MTTP: variants seen among roughly 807,000 people sequenced by gnomAD.
The protein encoded by MTTP is microsomal triglyceride transfer protein, also known as microsomal triglyceride transfer protein large subunit.
A neutral mutation model predicts 90.6 loss-of-function variants in MTTP; 49 were observed. The ratio of observed to expected loss-of-function variants is 0.54; its 90% CI spans 0.43 to 0.69. MTTP has a LOEUF of 0.69. Among genes scored for constraint, MTTP ranks in the 30% least tolerant of loss-of-function variants. The pLI is 0.00. For missense variants in MTTP, 945 were observed against 1,067.5 expected (o/e 0.89, Z 1.60); for synonymous variants, 347 against 384.2 (o/e 0.90, Z 1.13).
chr4:99,621,676 A>G (rs910675899), intron 17 of MTTP, among the ~76,000 whole-genome samples: 2 of 152,248 alleles, frequency 1.3e-5, no homozygotes, highest in East Asian at 1.9e-4. Context: ...AGTATTCCAT[A>G]TAGCAGCAAC....
At chr4:99,620,909 C>T in intron 16 of MTTP, 152 bp from the exon 17 acceptor site, 1 of 728,044 alleles carries the variant, frequency 1.4e-6, no homozygotes. Context: ...ACCAGCAGAA[C>T]TCTAAGCACA....
intron 3 of MTTP, among the ~76,000 whole-genome samples, chr4:99,585,777 G>C (rs902512737): frequency 6.6e-6 from 1 of 152,004 alleles, no homozygotes; most frequent in African/African-American, 2.4e-5. Context: ...AATTCTAGAG[G>C]AGCTATGATT....
chr4:99,564,410 AAAATT>A (rs1724607062), intron 1 of MTTP: 2 of 621,908 alleles, frequency 3.2e-6, no homozygotes, highest in Admixed American at 3.5e-5. Flanking sequence ...ACTCAAGTGG[AAAATT>A]AAATTCAAAA....
chr4:99,610,343 G>A (rs1432489240), intron 12 of MTTP, among the ~76,000 whole-genome samples: 1 of 152,164 alleles, frequency 6.6e-6, no homozygotes, highest in Admixed American at 6.5e-5. Context: ...TCTGAGGATA[G>A]CTGTCATAAC....
Position 99,582,023 on chromosome 4 carries a change from C to T in MTTP, c.180C>T (p.Ser60=), listed in dbSNP as rs1163995950. 1 of 1,614,216 alleles carries T rather than the reference C, an allele frequency of 6.2e-7. No individual in the cohort carries two copies. Among genetic ancestry groups the T allele is most frequent in the Admixed American group, 1.7e-5 (1 of 60,022 alleles). ...AAGACAGCGTGGGCTACCGCATTTC[C>T]TCCAACGTGGATGTGGCCTTACTAT... ...KLQDSVGYRI[S]SNVDVALLWR... The change falls in exon 2 of 18, where the codon TCC becomes TCT. Residue 60 remains serine, a synonymous_variant. Coordinates refer to ENST00000265517, the MANE Select transcript of MTTP (RefSeq NM_001386140.1).
chr4:99,600,635 G>T lies in MTTP; in HGVS notation c.1138G>T (p.Asp380Tyr). The change falls in exon 9 of 18, where the codon GAT (aspartate) becomes TAT (tyrosine). Residue 380 changes from aspartate (D) to tyrosine (Y), a missense_variant. Asp to Tyr is a radical substitution (Grantham distance 160). Coordinates refer to ENST00000265517, the MANE Select transcript of MTTP (RefSeq NM_001386140.1). ...ATTAGAAGCCATTTTGGACTTTTTGGATTTCAAAAGTGACAGCAGCATTAT... is the reference window on the plus strand; with the variant it reads ...ATTAGAAGCCATTTTGGACTTTTTGTATTTCAAAAGTGACAGCAGCATTAT... ...DSLEAILDFL[D>Y]FKSDSSIILQ... is the part of the protein sequence containing the mutation. The T allele has an allele frequency of 6.2e-7, 1 of 1,613,704 alleles. No individual in the cohort carries two copies.
At chr4:99,569,108 A>G (rs897666672) in intron 1 of MTTP, among the ~76,000 whole-genome samples, 10 of 152,186 alleles carry the variant, frequency 6.6e-5, no homozygotes, top group African/African-American at 2.4e-4. Flanking sequence ...CCAGGTGATC[A>G]AAGTCAATGT....
At chr4:99,599,902 G>C (rs1419597671) in intron 8 of MTTP, among the ~76,000 whole-genome samples, 5 of 152,068 alleles carry the variant, frequency 3.3e-5, no homozygotes, top group African/African-American at 1.2e-4. Context: ...GTGTTAATTA[G>C]TATGACAACT....
chr4:99,619,604 A>C (rs1461949833), intron 16 of MTTP, among the ~76,000 whole-genome samples: 1 of 152,184 alleles, frequency 6.6e-6, no homozygotes, highest in Non-Finnish European at 1.5e-5. Context: ...TTTTACTTTG[A>C]ATATAAAACA....
chr4:99,606,700 T>G (rs1362832628), intron 10 of MTTP, 48 bp from the exon 11 acceptor site: 5 of 1,580,934 alleles, frequency 3.2e-6, no homozygotes, highest in Non-Finnish European at 4.3e-6. Context: ...CACCCAAGTC[T>G]TCTTCAATGT....
intron 10 of MTTP, among the ~76,000 whole-genome samples, chr4:99,605,869 A>ATGTGTGTGTGTGTGTGTGTGTGTGTGTG (rs111417359): frequency 2.2e-4 from 33 of 149,286 alleles, no homozygotes; most frequent in East Asian, 1.6e-3. Flanking sequence ...AACCCCATGT[A>ATGTGTGTGTGTGTGTGTGTGTGTGTGTG]TGTGTGTGTG....
At position 99,623,055 on chromosome 4, in the gene MTTP, G is replaced by A. The variant is rs1726281347; in HGVS notation, c.*207G>A. 3 of 602,314 alleles carry A rather than the reference G, an allele frequency of 5.0e-6. No homozygotes were observed. The highest frequency in any genetic ancestry group is 1.9e-5 in the South Asian group (1 of 52,212). 37.3% of individuals were successfully genotyped at this position (602,314 alleles called of 1,614,324 possible). ...GCGTCATTTTGAATCATCATGTGAC[G>A]CTTTCAACAACGTTCTTAGTTTACT... On this transcript the variant is annotated 3_prime_UTR_variant, in exon 18 of 18. Coordinates refer to ENST00000265517, the MANE Select transcript of MTTP (RefSeq NM_001386140.1).
chr4:99,620,463 T>C (rs549894430), intron 16 of MTTP, among the ~76,000 whole-genome samples: 1 of 152,230 alleles, frequency 6.6e-6, no homozygotes, highest in Non-Finnish European at 1.5e-5. Context: ...TAGAGCATCA[T>C]TAAAGGACCC....
At position 99,591,787 on chromosome 4, in the gene MTTP, C is replaced by T. The variant is rs767893675; in HGVS notation, c.755C>T (p.Ser252Leu). The change falls in exon 6 of 18, where the codon TCG (serine) becomes TTG (leucine). Residue 252 changes from serine (S) to leucine (L), a missense_variant. Physicochemically the swap from Ser to Leu is moderately radical, Grantham distance 145. Transcript: ENST00000265517. Reference protein sequence around the residue: ...FLQTIKGKIVSKQKLELKTTE... With the variant: ...FLQTIKGKIVLKQKLELKTTE... ...CAAACCATTAAGGGGAAAATAGTAT[C>T]GAAGTAAGATAATGCTAAAATTTTT... 12 of 1,610,692 alleles carry T rather than the reference C, an allele frequency of 7.5e-6. 1 individual carries two copies. Among genetic ancestry groups the T allele is most frequent in the Admixed American group, 5.0e-5 (3 of 59,894 alleles).
chr4:99,586,874 A>G (rs896981781), intron 3 of MTTP, among the ~76,000 whole-genome samples: 2 of 152,126 alleles, frequency 1.3e-5, no homozygotes, highest in African/African-American at 2.4e-5. Flanking sequence ...CTTCCCAGCC[A>G]TTTTACCCAG....
chr4:99,619,246 C>A (rs1726174123), intron 16 of MTTP, 148 bp downstream of exon 16: 2 of 810,024 alleles, frequency 2.5e-6, no homozygotes, highest in Non-Finnish European at 4.0e-6. Context: ...TGGAAGTGAT[C>A]ATAGGAAATT....
chr4:99,566,856 C>T (rs1467113931), intron 1 of MTTP, among the ~76,000 whole-genome samples: 3 of 152,058 alleles, frequency 2.0e-5, no homozygotes, highest in Non-Finnish European at 2.9e-5. Context: ...TGAACCCCTC[C>T]GTAAGTTTGA....
chr4:99,567,783 A>T (rs989615366), intron 1 of MTTP, among the ~76,000 whole-genome samples: 2 of 152,194 alleles, frequency 1.3e-5, no homozygotes, highest in Admixed American at 6.5e-5. Context: ...ATCTCAGAAA[A>T]TATGAAGACA....
At chr4:99,583,839 A>C (rs1725188677) in intron 3 of MTTP, 1 of 487,134 alleles carries the variant, frequency 2.1e-6, no homozygotes, top group Admixed American at 3.7e-5. Context: ...TAATGTAACA[A>C]AGCAAGTCAT....
Sources: gnomAD v4.1 joint callset for allele counts (sites outside exome capture counted in the v4.1 genomes callset) on GRCh38, gnomAD v4.1.1 for gene constraint, MANE v1.5 for transcripts, NCBI Gene and HGNC (gene_info 2026-07-23, HGNC 2026-07-21) for gene names.